Variants in SLC44A5 observed in about 807,000 individuals in gnomAD.
SLC44A5 encodes the protein solute carrier family 44 member 5.
SLC44A5 carries 57 observed loss-of-function variants against 101.8 expected under a neutral mutation model. That is an observed-to-expected ratio of 0.56 (90% CI 0.45 to 0.70). The LOEUF (loss-of-function observed/expected upper bound fraction) is 0.70. Among genes scored for constraint, SLC44A5 ranks in the 30% least tolerant of loss-of-function variants. The probability of loss-of-function intolerance (pLI) is 0.00; values close to 1 mark genes in which losing one functional copy is unlikely to be tolerated. For synonymous variants in SLC44A5, 281 were observed against 290.9 expected, an observed-to-expected ratio of 0.97 and a Z score of 0.35; for missense variants, 737 against 853.1, an observed-to-expected ratio of 0.86 and a Z score of 1.70.
At chr1:75,695,706 TA>T in the SLC44A5 span, among the ~76,000 whole-genome samples, 1 of 148,374 alleles carries the variant, frequency 6.7e-6, no homozygotes, top group Non-Finnish European at 1.5e-5. Context: ...TATATGTATA[TA>T]AAAATATATG....
chr1:75,420,413 G>C (rs1305136914), intron 2 of SLC44A5, among the ~76,000 whole-genome samples: 1 of 152,118 alleles, frequency 6.6e-6, no homozygotes, highest in African/African-American at 2.4e-5. Flanking sequence ...ACGCAGAACA[G>C]ATAGGACAAA....
chr1:75,680,590 T>A, the SLC44A5 span, among the ~76,000 whole-genome samples: 1 of 151,038 alleles, frequency 6.6e-6, no homozygotes, highest in African/African-American at 2.4e-5. Context: ...CATACCAGAA[T>A]CTCTGGGACG....
At chr1:75,475,565 G>T (rs1448414974) in intron 2 of SLC44A5, among the ~76,000 whole-genome samples, 3 of 152,094 alleles carry the variant, frequency 2.0e-5, no homozygotes, top group African/African-American at 7.2e-5. Flanking sequence ...CATTCTGCCA[G>T]TTTCACCAGC....
the SLC44A5 span, among the ~76,000 whole-genome samples, chr1:75,644,703 A>G: frequency 6.6e-6 from 1 of 152,008 alleles, no homozygotes; most frequent in African/African-American, 2.4e-5. Flanking sequence ...GGTTTGTTAC[A>G]TATGTATACA....
chr1:75,375,979 T>C (rs4554668), intron 3 of SLC44A5, among the ~76,000 whole-genome samples: 78,309 of 151,740 alleles, frequency 0.52, 22,173 homozygotes, highest in East Asian at 0.94. Context: ...AGTGGGTGTG[T>C]GCACCGTGTG....
intron 2 of SLC44A5, among the ~76,000 whole-genome samples, chr1:75,439,391 T>G (rs2101621009): frequency 6.6e-6 from 1 of 152,248 alleles, no homozygotes; most frequent in East Asian, 1.9e-4. Flanking sequence ...CTAACAAAAC[T>G]TTTATAAATT....
chr1:75,653,315 C>T, the SLC44A5 span, among the ~76,000 whole-genome samples: 3 of 152,086 alleles, frequency 2.0e-5, no homozygotes, highest in Non-Finnish European at 2.9e-5. Context: ...AACCTCATCG[C>T]TACTAAAAAT....
In SLC44A5 at chr1:75,420,803, G is replaced by A. The variant is rs536345417; in HGVS notation, c.14-24182C>T. ...TTATAAAAAAAATTTTCATATCAAA[G>A]GCCAAAATTACTTTACTTTCATCTA... On this transcript the variant is annotated intron_variant, in intron 2 of 23. Coordinates refer to ENST00000370859, the MANE Select transcript of SLC44A5 (RefSeq NM_001130058.2). 2.3e-4 allele frequency among the ~76,000 whole-genome samples: 35 copies of A among 152,026 alleles called. No individual in the cohort carries two copies. In the East Asian group the frequency reaches 6.6e-3, roughly 29 times the overall value.
intron 2 of SLC44A5, among the ~76,000 whole-genome samples, chr1:75,438,144 A>C (rs185551787): frequency 9.9e-5 from 15 of 152,260 alleles, no homozygotes; most frequent in Admixed American, 5.2e-4. Flanking sequence ...AGAATGTTAA[A>C]GTTTTCATTC....
At chr1:75,657,866 A>AT in the SLC44A5 span, among the ~76,000 whole-genome samples, 1 of 152,190 alleles carries the variant, frequency 6.6e-6, no homozygotes, top group Non-Finnish European at 1.5e-5. Flanking sequence ...CTCTGTTATT[A>AT]TCCCTCTATT....
chr1:75,298,952 GAGTA>G (rs1416259086), intron 5 of SLC44A5, among the ~76,000 whole-genome samples: 1 of 152,116 alleles, frequency 6.6e-6, no homozygotes, highest in African/African-American at 2.4e-5. Context: ...AACTGAGGTT[GAGTA>G]AGTAACCCAA....
At chr1:75,624,924 C>T in the SLC44A5 span, among the ~76,000 whole-genome samples, 69 of 152,182 alleles carry the variant, frequency 4.5e-4, no homozygotes, top group African/African-American at 1.6e-3. Flanking sequence ...AACCCTAGAT[C>T]TCTTCCATAA....
intron 2 of SLC44A5, among the ~76,000 whole-genome samples, chr1:75,402,675 C>T (rs1662569525): frequency 6.6e-6 from 1 of 152,078 alleles, no homozygotes; most frequent in Admixed American, 6.5e-5. Context: ...ACACTTTTCC[C>T]ATGGTCTTCA....
chr1:75,698,821 G>A, the SLC44A5 span, among the ~76,000 whole-genome samples: 1 of 152,194 alleles, frequency 6.6e-6, no homozygotes, highest in African/African-American at 2.4e-5. Context: ...AGCTGATGGA[G>A]CTGAAAACCA....
intron 4 of SLC44A5, among the ~76,000 whole-genome samples, chr1:75,302,112 G>GTT (rs10684140): frequency 0.17 from 10,178 of 60,208 alleles, 1,233 homozygotes; most frequent in Non-Finnish European, 0.2. Context: ...TAGTTTTTTT[G>GTT]TTTTTTTTTT....
chr1:75,587,096 C>G (rs1442184637), intron 1 of SLC44A5, among the ~76,000 whole-genome samples: 2 of 152,004 alleles, frequency 1.3e-5, no homozygotes, highest in African/African-American at 4.8e-5. Flanking sequence ...CTAAAAACAT[C>G]TAGTGAATGA....
intron 2 of SLC44A5, among the ~76,000 whole-genome samples, chr1:75,438,722 C>G (rs1168103785): frequency 1.3e-5 from 2 of 152,102 alleles, no homozygotes; most frequent in African/African-American, 2.4e-5. Context: ...GCCTGGGACT[C>G]TTTCTGAAGA....
At chr1:75,674,630 C>A in the SLC44A5 span, among the ~76,000 whole-genome samples, 1 of 148,688 alleles carries the variant, frequency 6.7e-6, no homozygotes, top group Non-Finnish European at 1.5e-5. Flanking sequence ...TCCCCCCCAA[C>A]CTCAGCCTCC....
intron 6 of SLC44A5, among the ~76,000 whole-genome samples, chr1:75,264,984 G>C (rs1650871844): frequency 6.6e-6 from 1 of 152,062 alleles, no homozygotes; most frequent in African/African-American, 2.4e-5. Context: ...AGACTGTTAT[G>C]AAAAACTGTA....
Sources: allele counts gnomAD v4.1 joint callset (sites outside exome capture counted in the v4.1 genomes callset), GRCh38; gene constraint gnomAD v4.1.1; transcripts MANE v1.5; gene names NCBI Gene and HGNC (gene_info 2026-07-23, HGNC 2026-07-21).